The following WASF3 variants were observed in gnomAD, a reference collection of about 807,000 sequenced individuals.
WASF3 encodes actin-binding protein WASF3.
WASF3 carries 11 observed loss-of-function variants against 46.6 expected under a neutral mutation model. The ratio of observed to expected loss-of-function variants is 0.24; its 90% CI spans 0.15 to 0.39. The LOEUF (loss-of-function observed/expected upper bound fraction) is 0.39, where lower values mean the gene tolerates loss of function less well. Among genes scored for constraint, WASF3 ranks in the 10% least tolerant of loss-of-function variants. WASF3 has a pLI of 1.00. For missense variants in WASF3, 576 were observed against 669.8 expected (o/e 0.86, Z 1.55); for synonymous variants, 242 against 259.7 (o/e 0.93, Z 0.65).
the WASF3 span, among the ~76,000 whole-genome samples, chr13:26,550,411 C>A: frequency 6.6e-6 from 1 of 151,970 alleles, no homozygotes; most frequent in Non-Finnish European, 1.5e-5. Flanking sequence ...ATCTTATACA[C>A]CAACAAGTGC....
At chr13:26,658,893 C>T (rs541750247) in intron 3 of WASF3, among the ~76,000 whole-genome samples, 12 of 152,274 alleles carry the variant, frequency 7.9e-5, no homozygotes, top group African/African-American at 2.9e-4. Flanking sequence ...TGTTTTTGTT[C>T]ACTTATTCCG....
intron 1 of WASF3, among the ~76,000 whole-genome samples, chr13:26,575,167 C>G (rs927137537): frequency 2.1e-4 from 32 of 152,026 alleles, no homozygotes; most frequent in Admixed American, 2.0e-3. Context: ...TATCTTTTTA[C>G]TGTCTTGTAT....
intron 1 of WASF3, among the ~76,000 whole-genome samples, chr13:26,558,539 C>T (rs906358705): frequency 8.0e-5 from 12 of 149,996 alleles, no homozygotes; most frequent in African/African-American, 2.9e-4. Context: ...TGGGCTTTAG[C>T]GAGGGCAGAA....
intron 1 of WASF3, among the ~76,000 whole-genome samples, chr13:26,603,880 A>G (rs763501375): frequency 1.3e-5 from 2 of 152,202 alleles, no homozygotes; most frequent in Non-Finnish European, 2.9e-5. Context: ...AGTTTAATGT[A>G]TAGAGTTGAG....
intron 6 of WASF3, among the ~76,000 whole-genome samples, chr13:26,675,128 T>C (rs912637888): frequency 6.6e-6 from 1 of 152,108 alleles, no homozygotes; most frequent in African/African-American, 2.4e-5. Flanking sequence ...TGTCCCTATC[T>C]TCCCTCTTTT....
chr13:26,620,155 A>C (rs1881262978), intron 2 of WASF3, among the ~76,000 whole-genome samples: 1 of 152,062 alleles, frequency 6.6e-6, no homozygotes, highest in Non-Finnish European at 1.5e-5. Context: ...TTTATCTTAA[A>C]ATTTTTTTTA....
intron 1 of WASF3, among the ~76,000 whole-genome samples, chr13:26,596,498 A>T (rs1373078586): frequency 6.6e-6 from 1 of 151,844 alleles, no homozygotes; most frequent in Non-Finnish European, 1.5e-5. Flanking sequence ...GCCTTCTTAA[A>T]TGTTGCCCTT....
chr13:26,661,287 C>G (rs1566066732), intron 3 of WASF3, among the ~76,000 whole-genome samples: 1 of 152,204 alleles, frequency 6.6e-6, no homozygotes, highest in Non-Finnish European at 1.5e-5. Context: ...TTTCCCTCTT[C>G]CTCTGACCCC....
At chr13:26,658,949 T>C (rs1882545775) in intron 3 of WASF3, among the ~76,000 whole-genome samples, 1 of 152,212 alleles carries the variant, frequency 6.6e-6, no homozygotes, top group Admixed American at 6.5e-5. Flanking sequence ...GCTCTAGACA[T>C]TGGAGACTGA....
At chr13:26,549,603 A>T in the WASF3 span, among the ~76,000 whole-genome samples, 1 of 152,214 alleles carries the variant, frequency 6.6e-6, no homozygotes, top group Non-Finnish European at 1.5e-5. Context: ...ATTTGTAAAA[A>T]TAAAAACCCT....
At chr13:26,641,594 G>A (rs189420603) in intron 2 of WASF3, among the ~76,000 whole-genome samples, 5 of 152,260 alleles carry the variant, frequency 3.3e-5, no homozygotes, top group African/African-American at 7.2e-5. Flanking sequence ...GTAACTATAT[G>A]TGAGAAAACA....
chr13:26,682,587 G>C lies in WASF3; in HGVS notation c.984-20G>C, dbSNP rs1481838108. 1 of 1,613,902 alleles carries C rather than the reference G, an allele frequency of 6.2e-7. No individual in the cohort carries two copies. Among genetic ancestry groups the C allele is most frequent in the Admixed American group, 1.7e-5 (1 of 60,012 alleles). On this transcript the variant is annotated intron_variant, in intron 8 of 9. Coordinates refer to ENST00000335327, the MANE Select transcript of WASF3 (RefSeq NM_006646.6). This position sits in a 1 kb window ranked among gnomAD's most constrained non-coding sequence, Gnocchi z 4.4. ...CCTCTCTTGTTCCCTTGGTGACTAT[G>C]TGCCTCATATCTCTCTCAGGATGCT... is the stretch of plus-strand genomic sequence containing the variant.
At chr13:26,559,054 A>G (rs1311548587) in intron 1 of WASF3, among the ~76,000 whole-genome samples, 1 of 152,198 alleles carries the variant, frequency 6.6e-6, no homozygotes, top group African/African-American at 2.4e-5. Context: ...CAGTTAAACA[A>G]TGCAGTGGTT....
intron 3 of WASF3, among the ~76,000 whole-genome samples, chr13:26,654,703 T>G (rs1265816431): frequency 1.3e-5 from 2 of 152,236 alleles, no homozygotes; most frequent in East Asian, 3.8e-4. Flanking sequence ...GACTTTTCTT[T>G]CTGTTTTTCT....
chr13:26,634,564 C>G (rs539068855), intron 2 of WASF3, among the ~76,000 whole-genome samples: 8 of 152,112 alleles, frequency 5.3e-5, no homozygotes, highest in Non-Finnish European at 7.4e-5. Flanking sequence ...GTTAATTGAT[C>G]CAGTTTATTC....
intron 1 of WASF3, among the ~76,000 whole-genome samples, chr13:26,559,671 C>A (rs1286912464): frequency 6.6e-6 from 1 of 152,094 alleles, no homozygotes; most frequent in Non-Finnish European, 1.5e-5. Context: ...TACTCACGGG[C>A]TAGTACTAGT....
intron 2 of WASF3, among the ~76,000 whole-genome samples, chr13:26,630,947 A>T (rs1011222287): frequency 3.9e-5 from 6 of 152,196 alleles, no homozygotes; most frequent in Non-Finnish European, 7.3e-5. Context: ...TGTTGGCTGC[A>T]TAAATGTCTT....
In WASF3 at chr13:26,679,149, T is replaced by A. The variant is rs1011179726; in HGVS notation, c.717-1905T>A. On this transcript the variant is annotated intron_variant, in intron 7 of 9. Transcript: ENST00000335327. This position sits in a 1 kb window ranked among gnomAD's most constrained non-coding sequence, Gnocchi z 4.8. The stretch of plus-strand genomic sequence containing the variant: ...TGTAATAGGTGATCACTGACCATCA[T>A]GAGGCCTCGGGATCTCCACTCACCT... Among the ~76,000 whole-genome samples the A allele has an allele frequency of 1.3e-5, 2 of 152,260 alleles. No homozygotes were observed. Among genetic ancestry groups the A allele is most frequent in the East Asian group, 3.9e-4 (2 of 5,180 alleles).
intron 2 of WASF3, chr13:26,622,589 G>A (rs1286750975): frequency 2.0e-5 from 3 of 152,106 alleles, no homozygotes; most frequent in Non-Finnish European, 4.4e-5. Flanking sequence ...TCTTAAGAGT[G>A]TACTCATATG....
Sources: allele counts gnomAD v4.1 joint callset (sites outside exome capture counted in the v4.1 genomes callset), GRCh38; gene constraint gnomAD v4.1.1; non-coding constraint Gnocchi (gnomAD v3.1); transcripts MANE v1.5; gene names NCBI Gene and HGNC (gene_info 2026-07-23, HGNC 2026-07-21).